The following GGT5 variants were observed in gnomAD, a reference collection of about 807,000 sequenced individuals.
The protein encoded by GGT5 is glutathione hydrolase 5 proenzyme.
Under a neutral mutation model 58.1 loss-of-function variants are expected in GGT5, and 50 were observed. The ratio of observed to expected loss-of-function variants is 0.86; its 90% CI spans 0.69 to 1.09. GGT5 has a LOEUF of 1.09. Ranked by LOEUF, GGT5 falls within the 50% of genes least tolerant of loss-of-function variation. The pLI is 0.00. For missense variants in GGT5, 800 were observed against 789.4 expected, an observed-to-expected ratio of 1.01 and a Z score of -0.16; for synonymous variants, 370 against 346.1, an observed-to-expected ratio of 1.07 and a Z score of -0.77.
At chr22:24,221,547 C>T (rs13054426) in intron 11 of GGT5, among the ~76,000 whole-genome samples, 1 of 152,074 alleles carries the variant, frequency 6.6e-6, no homozygotes. Context: ...GAGTCCCGCT[C>T]TGTCACCCAT....
At chr22:24,233,715 T>G in intron 2 of GGT5, 122 bp from the exon 3 acceptor site, 1 of 871,044 alleles carries the variant, frequency 1.1e-6, no homozygotes, top group Non-Finnish European at 1.8e-6. Flanking sequence ...GGGACAGGAG[T>G]TGACACAAGG....
intron 6 of GGT5, among the ~76,000 whole-genome samples, chr22:24,227,974 G>GGGA (rs562311126): frequency 9.6e-4 from 142 of 147,550 alleles, no homozygotes; most frequent in African/African-American, 3.4e-3. Context: ...GCTTGAACCC[G>GGGA]GGAGGAGGAG....
At chr22:24,240,295 A>G (rs1420527607) in intron 1 of GGT5, among the ~76,000 whole-genome samples, 1 of 152,220 alleles carries the variant, frequency 6.6e-6, no homozygotes, top group African/African-American at 2.4e-5. Context: ...ATAAGAAGAA[A>G]CAGAATAGGC....
At chr22:24,223,164 G>A (rs2047651700) in intron 11 of GGT5, among the ~76,000 whole-genome samples, 1 of 152,112 alleles carries the variant, frequency 6.6e-6, no homozygotes, top group South Asian at 2.1e-4. Flanking sequence ...CACTTTGGGA[G>A]GCCAAGGTGG....
chr22:24,234,103 G>T (rs548010363), intron 1 of GGT5, 99 bp from the exon 2 acceptor site: 2 of 1,206,774 alleles, frequency 1.7e-6, no homozygotes, highest in Non-Finnish European at 2.3e-6. Flanking sequence ...TGACGGAGGC[G>T]GCACGTCGGC....
intron 3 of GGT5, 61 bp downstream of exon 3, chr22:24,233,437 G>T (rs907589274): frequency 1.1e-6 from 1 of 897,780 alleles, no homozygotes; most frequent in South Asian, 1.6e-5. Context: ...CTTTGCGGGG[G>T]TGTTCTGATT....
At chr22:24,225,713 T>G in intron 8 of GGT5, 61 bp from the exon 9 acceptor site, 2 of 965,708 alleles carry the variant, frequency 2.1e-6, no homozygotes, top group Non-Finnish European at 3.3e-6. Context: ...AGACACCACT[T>G]ACCCTGCACG....
chr22:24,233,542 G>A lies in GGT5; in HGVS notation c.356C>T (p.Pro119Leu), dbSNP rs150075938. ...ARETVPASHA[P>L]SLLDQCAQAL... ...CTGTGCACACTGGTCCAGCAGGCTC[G>A]GGGCGTGGCTGGCCGGCACCGTCTC... The change falls in exon 3 of 12, where the codon CCG (proline) becomes CTG (leucine). Residue 119 changes from proline to leucine, a missense_variant. Transcript: ENST00000327365. The A allele has an allele frequency of 1.3e-5, 21 of 1,609,578 alleles. No individual in the cohort carries two copies. The highest frequency in any genetic ancestry group is 6.6e-5 in the South Asian group (6 of 90,872).
intron 6 of GGT5, 130 bp from the exon 7 acceptor site, chr22:24,226,897 C>T: frequency 4.5e-6 from 3 of 666,684 alleles, no homozygotes; most frequent in South Asian, 1.9e-5. Flanking sequence ...TTACCTTATA[C>T]AGCACAAGAG....
intron 11 of GGT5, among the ~76,000 whole-genome samples, chr22:24,221,798 G>A (rs1367385500): frequency 6.6e-5 from 10 of 151,750 alleles, no homozygotes; most frequent in Non-Finnish European, 1.2e-4. Flanking sequence ...GAGCCACCGC[G>A]CGCAGCCAAC....
At position 24,225,074 on chromosome 22, in the gene GGT5, G is replaced by T; in HGVS notation, c.1536C>A (p.Asp512Glu). 1.2e-6 allele frequency: 2 copies of T among 1,600,914 alleles called. No homozygotes were observed. ...AIMSKLWLGF[D>E]LRAAIAAPIL... ...TGGGGGCTGCAATGGCCGCTCTCAG[G>T]TCAAAGCCAAGCCACAGCTTGCTCA... Residue 512 changes from aspartate (D) to glutamate (E), a missense_variant, in exon 11 of 12, where the codon GAC becomes GAA. Asp to Glu is a conservative substitution (Grantham distance 45). Transcript: ENST00000327365.
chr22:24,239,312 C>G (rs1449390426), intron 1 of GGT5, among the ~76,000 whole-genome samples: 1 of 151,518 alleles, frequency 6.6e-6, no homozygotes, highest in East Asian at 2.0e-4. Context: ...GCACTCCAGC[C>G]TGGGCGACAG....
At chr22:24,231,563 A>G in intron 5 of GGT5, 33 bp from the exon 6 acceptor site, 10 of 1,576,664 alleles carry the variant, frequency 6.3e-6, no homozygotes, top group Non-Finnish European at 8.6e-6. Flanking sequence ...CCATGAACAG[A>G]TGGGAAACTG....
chr22:24,221,006 T>C (rs1311112350), intron 11 of GGT5, among the ~76,000 whole-genome samples: 3 of 149,380 alleles, frequency 2.0e-5, no homozygotes, highest in Non-Finnish European at 4.5e-5. Context: ...GCTTTGATCA[T>C]GACACTGCAC....
At chr22:24,220,397 G>T in intron 11 of GGT5, 1 of 566,216 alleles carries the variant, frequency 1.8e-6, no homozygotes, top group Non-Finnish European at 3.3e-6. Context: ...AAGGACACCA[G>T]GGCCTTGAGG....
At chr22:24,239,440 TTAAAA>T (rs1342543774) in intron 1 of GGT5, among the ~76,000 whole-genome samples, 2 of 152,124 alleles carry the variant, frequency 1.3e-5, no homozygotes, top group African/African-American at 4.8e-5. Flanking sequence ...CTTGTGGGGC[TTAAAA>T]TAAAACATAC....
chr22:24,226,711 G>A lies in GGT5; in HGVS notation c.958C>T (p.His320Tyr), dbSNP rs765809299. ...ARPEGRVNVY[H>Y]HLVETLKFAK... is the part of the protein sequence containing the mutation. Reference sequence around the variant, plus strand: ...AACTTGAGCGTCTCTACAAGGTGGTGGTACACGTTCACCCTCCCTTCAGGC... The same window carrying A: ...AACTTGAGCGTCTCTACAAGGTGGTAGTACACGTTCACCCTCCCTTCAGGC... Residue 320 changes from histidine to tyrosine, a missense_variant, in exon 7 of 12, where the codon CAC becomes TAC. His to Tyr is a moderately conservative substitution (Grantham distance 83, BLOSUM62 2). Coordinates refer to ENST00000327365, the MANE Select transcript of GGT5 (RefSeq NM_004121.5). The A allele has an allele frequency of 6.2e-7, 1 of 1,613,630 alleles. No homozygotes were observed. Among genetic ancestry groups the A allele is most frequent in the South Asian group, 1.1e-5 (1 of 91,074 alleles).
In GGT5 at chr22:24,244,691, A is replaced by G. The variant is rs776770480; in HGVS notation, c.35T>C (p.Val12Ala). Reference sequence around the variant, plus strand: ...CAGCGCCAGCCCCAGACCCAGCAGGACTAGGCTGACCGTGGCCCCGTAGCC... The same window carrying G: ...CAGCGCCAGCCCCAGACCCAGCAGGGCTAGGCTGACCGTGGCCCCGTAGCC... ...ARGYGATVSL[V>A]LLGLGLALAV... Residue 12 changes from valine (V) to alanine (A), a missense_variant, in exon 1 of 12, where the codon GTC becomes GCC. By Grantham distance (64) the Val-to-Ala change is moderately conservative. Transcript: ENST00000327365. 1.2e-6 allele frequency: 2 copies of G among 1,612,554 alleles called. No individual in the cohort carries two copies. Among genetic ancestry groups the G allele is most frequent in the Non-Finnish European group, 1.7e-6 (2 of 1,179,886 alleles).
intron 11 of GGT5, among the ~76,000 whole-genome samples, chr22:24,222,815 C>A (rs537471310): frequency 2.0e-5 from 3 of 151,758 alleles, no homozygotes; most frequent in African/African-American, 4.8e-5. Flanking sequence ...CGGTGGCTCA[C>A]GCCTATAATC....
Sources: gnomAD v4.1 joint callset for allele counts (sites outside exome capture counted in the v4.1 genomes callset) on GRCh38, gnomAD v4.1.1 for gene constraint, MANE v1.5 for transcripts, NCBI Gene and HGNC (gene_info 2026-07-23, HGNC 2026-07-21) for gene names.